The following GALNTL6 variants were observed in gnomAD, a reference collection of about 807,000 sequenced individuals.
The protein encoded by GALNTL6 is polypeptide N-acetylgalactosaminyltransferase-like 6.
GALNTL6 carries 46 observed loss-of-function variants against 73.7 expected under a neutral mutation model. That is an observed-to-expected ratio of 0.62 (90% CI 0.49 to 0.80). The LOEUF (loss-of-function observed/expected upper bound fraction) is 0.80. Ranked by LOEUF, GALNTL6 falls within the 30% of genes least tolerant of loss-of-function variation. GALNTL6 has a pLI of 0.00. For missense variants in GALNTL6, 604 were observed against 755.0 expected, an observed-to-expected ratio of 0.80 and a Z score of 2.34; for synonymous variants, 259 against 263.7, an observed-to-expected ratio of 0.98 and a Z score of 0.17.
intron 7 of GALNTL6, among the ~76,000 whole-genome samples, chr4:172,858,183 A>G (rs919877395): frequency 6.6e-6 from 1 of 152,206 alleles, no homozygotes. Context: ...CTCCGATAAT[A>G]GAAACAACAC....
intron 5 of GALNTL6, among the ~76,000 whole-genome samples, chr4:172,698,408 C>G (rs987370584): frequency 4.6e-5 from 7 of 152,024 alleles, no homozygotes; most frequent in Admixed American, 4.6e-4. Flanking sequence ...AGGCCACGAC[C>G]AGCTTCCTTC....
chr4:171,930,407 G>C (rs1738141320), intron 2 of GALNTL6, among the ~76,000 whole-genome samples: 1 of 152,064 alleles, frequency 6.6e-6, no homozygotes, highest in Admixed American at 6.5e-5. Flanking sequence ...AAACACCCTA[G>C]GAAGCATCTA....
intron 3 of GALNTL6, among the ~76,000 whole-genome samples, chr4:172,262,437 G>A (rs191587434): frequency 1.2e-3 from 187 of 151,422 alleles, no homozygotes; most frequent in African/African-American, 3.7e-3. Context: ...TATAAGAATA[G>A]CTACTCCTAC....
intron 2 of GALNTL6, among the ~76,000 whole-genome samples, chr4:172,170,618 T>C (rs1454445654): frequency 6.6e-6 from 1 of 151,494 alleles, no homozygotes; most frequent in Non-Finnish European, 1.5e-5. Flanking sequence ...GTTCAAGTTA[T>C]TCTGGTGCCT....
chr4:172,810,131 A>G (rs1445317452), intron 6 of GALNTL6, among the ~76,000 whole-genome samples: 2 of 152,208 alleles, frequency 1.3e-5, no homozygotes, highest in African/African-American at 4.8e-5. Context: ...TTGTATTTAC[A>G]TAGATTCCTT....
chr4:172,173,633 T>A (rs1189411993), intron 2 of GALNTL6, among the ~76,000 whole-genome samples: 3 of 152,204 alleles, frequency 2.0e-5, no homozygotes, highest in Non-Finnish European at 4.4e-5. Flanking sequence ...AAGAGAGTCA[T>A]TTGCTGTATT....
chr4:172,094,146 T>A (rs919588660), intron 2 of GALNTL6, among the ~76,000 whole-genome samples: 2 of 152,180 alleles, frequency 1.3e-5, no homozygotes, highest in Non-Finnish European at 2.9e-5. Flanking sequence ...TTTTAGACTT[T>A]ATGTAAAACA....
chr4:171,855,660 G>A (rs1000124463), intron 2 of GALNTL6, among the ~76,000 whole-genome samples: 1 of 152,154 alleles, frequency 6.6e-6, no homozygotes, highest in Non-Finnish European at 1.5e-5. Flanking sequence ...TATGGTAAGA[G>A]AATGTGTAGA....
chr4:172,256,000 A>G (rs781387489), intron 3 of GALNTL6, among the ~76,000 whole-genome samples: 2 of 151,490 alleles, frequency 1.3e-5, no homozygotes, highest in Non-Finnish European at 3.0e-5. Flanking sequence ...TTCTATGCAT[A>G]TCGCATATTT....
intron 5 of GALNTL6, among the ~76,000 whole-genome samples, chr4:172,384,609 A>G (rs1231409719): frequency 6.6e-6 from 1 of 151,034 alleles, no homozygotes; most frequent in East Asian, 1.9e-4. Flanking sequence ...TACCCTTAAT[A>G]CTATTATTAC....
At chr4:172,100,495 AGAAT>A (rs1297748814) in intron 2 of GALNTL6, among the ~76,000 whole-genome samples, 1 of 152,190 alleles carries the variant, frequency 6.6e-6, no homozygotes, top group African/African-American at 2.4e-5. Context: ...CCATTTTTAA[AGAAT>A]GAATAATTTT....
At chr4:171,968,206 T>C (rs1284343464) in intron 2 of GALNTL6, among the ~76,000 whole-genome samples, 1 of 152,172 alleles carries the variant, frequency 6.6e-6, no homozygotes, top group Non-Finnish European at 1.5e-5. Context: ...TCTGTATTAG[T>C]CTCCTAGAGC....
intron 5 of GALNTL6, among the ~76,000 whole-genome samples, chr4:172,732,620 T>G (rs142939324): frequency 1.3e-5 from 2 of 152,222 alleles, no homozygotes; most frequent in African/African-American, 4.8e-5. Context: ...TTTCTTACTG[T>G]CTTCCTTTTG....
intron 2 of GALNTL6, among the ~76,000 whole-genome samples, chr4:171,916,104 TATC>T (rs1453919322): frequency 3.7e-4 from 56 of 152,226 alleles, no homozygotes; most frequent in Middle Eastern, 3.4e-3. Context: ...ACGTTTGAGA[TATC>T]ATTCTTTTTG....
At chr4:172,042,591 A>G (rs1030980806) in intron 2 of GALNTL6, among the ~76,000 whole-genome samples, 16 of 151,898 alleles carry the variant, frequency 1.1e-4, no homozygotes, top group Non-Finnish European at 4.4e-5. Context: ...ATTTAGTTTC[A>G]CAAGCGAAAT....
At chr4:172,193,032 A>G (rs1413919740) in intron 2 of GALNTL6, among the ~76,000 whole-genome samples, 1 of 152,212 alleles carries the variant, frequency 6.6e-6, no homozygotes, top group East Asian at 1.9e-4. Context: ...GGAATGAAGC[A>G]CCTGGGTGGA....
intron 4 of GALNTL6, among the ~76,000 whole-genome samples, chr4:172,343,305 C>T (rs1051605661): frequency 1.6e-4 from 25 of 152,120 alleles, no homozygotes; most frequent in African/African-American, 5.6e-4. Flanking sequence ...AAATACACAA[C>T]AATAGGCAGC....
chr4:172,623,865 A>G (rs1739057029), intron 5 of GALNTL6, among the ~76,000 whole-genome samples: 1 of 151,960 alleles, frequency 6.6e-6, no homozygotes, highest in East Asian at 1.9e-4. Context: ...TCATTTTGTT[A>G]ATTTTTGCTT....
chr4:171,845,120 G>A (rs1735336725), intron 2 of GALNTL6, among the ~76,000 whole-genome samples: 1 of 152,188 alleles, frequency 6.6e-6, no homozygotes, highest in African/African-American at 2.4e-5. Context: ...GCAATAGTTA[G>A]TAAATGAAAT....
Sources: gnomAD v4.1 joint callset for allele counts (sites outside exome capture counted in the v4.1 genomes callset) on GRCh38, gnomAD v4.1.1 for gene constraint, MANE v1.5 for transcripts, NCBI Gene and HGNC (gene_info 2026-07-23, HGNC 2026-07-21) for gene names.